RYR3: variants seen among roughly 807,000 people sequenced by gnomAD.
RYR3 encodes ryanodine receptor 3, also known as brain ryanodine receptor-calcium release channel.
RYR3 carries 207 observed loss-of-function variants against 584.3 expected under a neutral mutation model. That is an observed-to-expected ratio of 0.35 (90% CI 0.32 to 0.40). The LOEUF is 0.40. RYR3 is among the 10% of genes least tolerant of loss of function. The probability of loss-of-function intolerance (pLI) is 1.00; values close to 1 mark genes in which losing one functional copy is unlikely to be tolerated. For synonymous variants in RYR3, 2,416 were observed against 2,248.5 expected (o/e 1.07, Z -2.11); for missense variants, 5,616 against 6,089.2 (o/e 0.92, Z 2.59).
chr15:33,649,149 T>A lies in RYR3; in HGVS notation c.4056T>A (p.Tyr1352Ter). ...CVWVGWVTPD[Y>*]HLYSEKFDLN... Reference sequence around the variant, plus strand: ...GGGTCGGATGGGTGACTCCAGACTATCACTTGTACAGTGAAAAGTTTGACC... The same window carrying A: ...GGGTCGGATGGGTGACTCCAGACTAACACTTGTACAGTGAAAAGTTTGACC... The change falls in exon 31 of 104, where the codon TAT (tyrosine) becomes TAA (stop). Residue 1352 changes from tyrosine (Y) to a stop codon, truncating the protein, a stop_gained. Coordinates refer to ENST00000634891, the MANE Select transcript of RYR3 (RefSeq NM_001036.6). LOFTEE classifies it high-confidence loss of function. 1 of 1,613,860 alleles carries A rather than the reference T, an allele frequency of 6.2e-7. No individual in the cohort carries two copies. Among genetic ancestry groups the A allele is most frequent in the Non-Finnish European group, 8.5e-7 (1 of 1,179,848 alleles).
At chr15:33,837,563 C>T in intron 88 of RYR3, 68 bp from the exon 89 acceptor site, 8 of 1,456,510 alleles carry the variant, frequency 5.5e-6, no homozygotes, top group Non-Finnish European at 7.3e-6. Context: ...AAAATAGCTA[C>T]CTGACAAGTG....
In RYR3 at chr15:33,865,242, G is replaced by C; in HGVS notation, c.*16G>C. The C allele has an allele frequency of 6.4e-7, 1 of 1,551,906 alleles. No individual in the cohort carries two copies. Among genetic ancestry groups the C allele is most frequent in the Non-Finnish European group, 8.8e-7 (1 of 1,137,200 alleles). ...GCTTGGATAAATCTGAATCAAAGAA[G>C]CGCGACAATTCTGGACAGTCAACTT... is the stretch of plus-strand genomic sequence containing the variant. On this transcript the variant is annotated 3_prime_UTR_variant, in exon 104 of 104. Transcript: ENST00000634891.
rs754443158 is a variant in RYR3, at chr15:33,652,706, C to T, written c.4143-12C>T. 9.3e-6 allele frequency: 15 copies of T among 1,612,050 alleles called. No homozygotes were observed. The highest frequency in any genetic ancestry group is 1.1e-5 in the South Asian group (1 of 90,556). Reference sequence around the variant, plus strand: ...GTCCAGATTCTGTGCCTTTTCCTGTCTTGGCTCCTAGTGTGAAACGCAGCA... The same window carrying T: ...GTCCAGATTCTGTGCCTTTTCCTGTTTTGGCTCCTAGTGTGAAACGCAGCA... On this transcript the variant is annotated splice_polypyrimidine_tract_variant and intron_variant, in intron 31 of 103. Transcript: ENST00000634891.
intron 12 of RYR3, among the ~76,000 whole-genome samples, chr15:33,577,109 A>G (rs11855374): frequency 0.19 from 28,420 of 152,000 alleles, 4,665 homozygotes; most frequent in African/African-American, 0.45. Context: ...CTCGTCAAAG[A>G]AATTAGAGAT....
At chr15:33,663,017 C>T (rs2152707473) in intron 35 of RYR3, 69 bp downstream of exon 35, 2 of 1,398,388 alleles carry the variant, frequency 1.4e-6, no homozygotes, top group East Asian at 2.3e-5. Flanking sequence ...ATCAGGAACA[C>T]ACTGAGGATT....
At chr15:33,736,005 CA>C (rs1366817891) in intron 48 of RYR3, among the ~76,000 whole-genome samples, 1 of 152,186 alleles carries the variant, frequency 6.6e-6, no homozygotes, top group Non-Finnish European at 1.5e-5. Flanking sequence ...TGTCACATAG[CA>C]ATTAGAATTC....
chr15:33,785,121 C>G (rs1731510387), intron 65 of RYR3, among the ~76,000 whole-genome samples: 1 of 152,138 alleles, frequency 6.6e-6, no homozygotes, highest in Admixed American at 6.5e-5. Flanking sequence ...CGATGCTTTT[C>G]CCCCCAGAAT....
At chr15:33,686,615 C>G (rs1038079398) in intron 38 of RYR3, among the ~76,000 whole-genome samples, 6 of 152,068 alleles carry the variant, frequency 3.9e-5, no homozygotes, top group African/African-American at 1.4e-4. Flanking sequence ...CTGGCAGAGA[C>G]ACAACAAAAA....
chr15:33,743,599 G>A (rs1204952320), intron 52 of RYR3, among the ~76,000 whole-genome samples: 4 of 152,182 alleles, frequency 2.6e-5, no homozygotes, highest in Non-Finnish European at 5.9e-5. Context: ...CGTTTGGCCA[G>A]CCTGTGAATT....
At chr15:33,613,153 A>G in intron 18 of RYR3, 30 bp from the exon 19 acceptor site, 1 of 1,593,042 alleles carries the variant, frequency 6.3e-7, no homozygotes, top group Non-Finnish European at 8.6e-7. Context: ...CCAGAGTTCC[A>G]CAGCCTTCTT....
intron 2 of RYR3, among the ~76,000 whole-genome samples, chr15:33,498,237 G>A (rs918009311): frequency 6.6e-6 from 1 of 152,110 alleles, no homozygotes; most frequent in Non-Finnish European, 1.5e-5. Flanking sequence ...GGATCATATG[G>A]TAGTTGTGTT....
At position 33,663,522 on chromosome 15, in the gene RYR3, A is replaced by G. The variant is rs748737443; in HGVS notation, c.5419-15A>G. 1 of 1,610,862 alleles carries G rather than the reference A, an allele frequency of 6.2e-7. No individual in the cohort carries two copies. Among genetic ancestry groups the G allele is most frequent in the African/African-American group, 1.3e-5 (1 of 74,980 alleles). ...AAGTACACAAAGTGTTATCTATATA[A>G]TACTTTCATTGCAGATGTGTGAGCT... On this transcript the variant is annotated splice_polypyrimidine_tract_variant and intron_variant, in intron 35 of 103. Coordinates refer to ENST00000634891, the MANE Select transcript of RYR3 (RefSeq NM_001036.6).
intron 18 of RYR3, among the ~76,000 whole-genome samples, chr15:33,605,165 T>C (rs959855903): frequency 6.6e-6 from 1 of 152,242 alleles, no homozygotes; most frequent in Non-Finnish European, 1.5e-5. Flanking sequence ...TTTCTGACTT[T>C]ACAGCACTGC....
rs371979169 is a variant in RYR3 at position 33,750,168 on chromosome 15, G to A, written c.8281G>A (p.Gly2761Ser). ...TCTCACCTTACTGACCCCAGGTGGT[G>A]GCAGCCACCCTCTTCTGGTACCATA... ...KKLELESKGG[G>S]SHPLLVPYDT... The change falls in exon 57 of 104, where the codon GGC becomes AGC. Residue 2761 changes from glycine to serine, a missense_variant. Physicochemically the swap from Gly to Ser is moderately conservative, Grantham distance 56. Transcript: ENST00000634891. 60 of 1,609,466 alleles carry A rather than the reference G, an allele frequency of 3.7e-5. No individual in the cohort carries two copies. The African/African-American group carries it at 6.3e-4, about 17-fold the overall frequency.
intron 75 of RYR3, 117 bp downstream of exon 75, chr15:33,817,075 A>C: frequency 1.6e-6 from 1 of 627,850 alleles, no homozygotes; most frequent in South Asian, 2.0e-5. Flanking sequence ...ACAGTTGAAA[A>C]GCACTAACTG....
intron 38 of RYR3, among the ~76,000 whole-genome samples, chr15:33,688,616 A>G (rs935795259): frequency 2.6e-5 from 4 of 151,958 alleles, no homozygotes; most frequent in African/African-American, 4.8e-5. Flanking sequence ...TAACAGACAC[A>G]TGGAAAAGTG....
At chr15:33,642,725 A>G (rs2061899865) in intron 27 of RYR3, among the ~76,000 whole-genome samples, 1 of 152,232 alleles carries the variant, frequency 6.6e-6, no homozygotes, top group African/African-American at 2.4e-5. Context: ...CCCCTATCAC[A>G]AAAATACAGA....
chr15:33,435,147 G>A (rs551607853), intron 1 of RYR3, among the ~76,000 whole-genome samples: 2 of 151,058 alleles, frequency 1.3e-5, no homozygotes, highest in Non-Finnish European at 2.9e-5. Context: ...AGGGGTACAT[G>A]TGCAGGTTTG....
chr15:33,549,526 C>T (rs966242423), intron 9 of RYR3, among the ~76,000 whole-genome samples: 4 of 152,168 alleles, frequency 2.6e-5, no homozygotes, highest in African/African-American at 9.6e-5. Flanking sequence ...ATAACACTTA[C>T]CATAACTTTT....
Sources: gnomAD v4.1 joint callset for allele counts (sites outside exome capture counted in the v4.1 genomes callset) on GRCh38, gnomAD v4.1.1 for gene constraint, MANE v1.5 for transcripts, NCBI Gene and HGNC (gene_info 2026-07-23, HGNC 2026-07-21) for gene names.